Variants in ADGRL2 observed in about 807,000 individuals in gnomAD.
ADGRL2 encodes calcium-independent alpha-latrotoxin receptor 2.
ADGRL2 carries 44 observed loss-of-function variants against 157.4 expected under a neutral mutation model. The observed-to-expected ratio is 0.28, with a 90% CI of 0.22 to 0.36. The LOEUF is 0.36. Ranked by LOEUF, ADGRL2 falls within the 10% of genes least tolerant of loss-of-function variation. ADGRL2 has a pLI of 1.00. For synonymous variants in ADGRL2, 585 were observed against 624.7 expected, an observed-to-expected ratio of 0.94 and a Z score of 0.95; for missense variants, 1,510 against 1,768.9, an observed-to-expected ratio of 0.85 and a Z score of 2.63.
At chr1:81,425,861 A>C (rs1172981579) in intron 1 of ADGRL2, among the ~76,000 whole-genome samples, 1 of 39,936 alleles carries the variant, frequency 2.5e-5, no homozygotes, top group African/African-American at 7.9e-5. Context: ...GAAAATACAA[A>C]TTTATTTATT....
chr1:81,633,504 G>A lies in ADGRL2; in HGVS notation c.-143+52524G>A, dbSNP rs368391487. Among the ~76,000 whole-genome samples the A allele has an allele frequency of 3.1e-4, 45 of 146,914 alleles. No individual in the cohort carries two copies. In the South Asian group the frequency reaches 9.5e-3, roughly 31 times the overall value. The stretch of plus-strand genomic sequence containing the variant: ...CCAGCTAATTGGGAGGCTGAGGCAG[G>A]AGAATCACTTGAACTGGGGAAGGGG... On this transcript the variant is annotated intron_variant, in intron 3 of 24. Coordinates refer to the ADGRL2 transcript ENST00000370721.
chr1:81,681,465 C>G (rs111445031), intron 3 of ADGRL2, among the ~76,000 whole-genome samples: 1 of 152,230 alleles, frequency 6.6e-6, no homozygotes, highest in East Asian at 1.9e-4. Context: ...GATAAAGTCC[C>G]GGTGTATTTC....
intron 2 of ADGRL2, among the ~76,000 whole-genome samples, chr1:81,450,586 C>T (rs1231709554): frequency 6.6e-6 from 1 of 152,076 alleles, no homozygotes; most frequent in East Asian, 1.9e-4. Context: ...AGTGCTGCCT[C>T]ACTGTCTAGT....
intron 1 of ADGRL2, among the ~76,000 whole-genome samples, chr1:81,351,179 G>T (rs1170533282): frequency 6.6e-6 from 1 of 151,592 alleles, no homozygotes; most frequent in African/African-American, 2.4e-5. Context: ...CAGGAGCCTG[G>T]AACTTATACA....
intron 3 of ADGRL2, among the ~76,000 whole-genome samples, chr1:81,924,779 C>T (rs2148662376): frequency 6.6e-6 from 1 of 152,078 alleles, no homozygotes; most frequent in South Asian, 2.1e-4. Context: ...CCTGTCTCAA[C>T]TTCTATTTCT....
intron 3 of ADGRL2, among the ~76,000 whole-genome samples, chr1:81,676,712 A>G (rs1180718246): frequency 1.3e-5 from 2 of 151,750 alleles, no homozygotes. Flanking sequence ...TTTTGAGACG[A>G]GTCTTGCTCT....
chr1:81,407,962 A>G (rs552130844), intron 1 of ADGRL2, among the ~76,000 whole-genome samples: 4 of 152,288 alleles, frequency 2.6e-5, no homozygotes, highest in African/African-American at 9.6e-5. Context: ...TTGTTTCACT[A>G]TCTGTTGTAT....
intron 1 of ADGRL2, among the ~76,000 whole-genome samples, chr1:81,709,892 A>C (rs2083866702): frequency 6.6e-6 from 1 of 152,216 alleles, no homozygotes. Context: ...AAAGAAGTAA[A>C]GTCAATTGTT....
At chr1:81,523,281 T>G (rs6696306) in intron 2 of ADGRL2, among the ~76,000 whole-genome samples, 59,075 of 151,942 alleles carry the variant, frequency 0.39, 15,614 homozygotes, top group African/African-American at 0.75. Context: ...ATACCAAATT[T>G]TTTATATGAA....
At chr1:81,789,701 C>CAA (rs34269882) in intron 2 of ADGRL2, among the ~76,000 whole-genome samples, 14 of 88,452 alleles carry the variant, frequency 1.6e-4, no homozygotes, top group East Asian at 7.1e-4. Flanking sequence ...GTCTCCGTCT[C>CAA]AAAAAAAAAA....
At chr1:81,490,871 A>G (rs1253370816) in intron 2 of ADGRL2, among the ~76,000 whole-genome samples, 1 of 152,180 alleles carries the variant, frequency 6.6e-6, no homozygotes, top group Non-Finnish European at 1.5e-5. Flanking sequence ...CATAACCCCA[A>G]ATGCAAGCAA....
chr1:81,387,056 T>G (rs1046827550), intron 1 of ADGRL2, among the ~76,000 whole-genome samples: 2 of 152,206 alleles, frequency 1.3e-5, no homozygotes, highest in African/African-American at 4.8e-5. Flanking sequence ...CTGACTTTTA[T>G]GAGAGTTGGT....
Position 81,985,317 on chromosome 1 carries a change from T to C in ADGRL2, c.3470T>C (p.Ile1157Thr). 6.2e-7 allele frequency: 1 copy of C among 1,607,708 alleles called. No homozygotes were observed. The highest frequency in any genetic ancestry group is 8.5e-7 in the Non-Finnish European group (1 of 1,175,732). ...TVRKQSESSFISGDINSTSTL... is the reference protein window; with the variant it reads ...TVRKQSESSFTSGDINSTSTL... ...AGAAAACAATCAGAATCTTCTTTTA[T>C]CTCAGGTGACATCAATAGCACTTCA... is the stretch of plus-strand genomic sequence containing the variant. Residue 1157 changes from isoleucine to threonine, a missense_variant, in exon 21 of 24, where the codon ATC becomes ACC. This residue lies in a region of ADGRL2 where 497 missense variants were observed against 627.2 expected (regional missense o/e 0.79). Transcript: ENST00000686636.
chr1:81,681,493 TC>T (rs1317710628), intron 3 of ADGRL2, among the ~76,000 whole-genome samples: 1 of 152,230 alleles, frequency 6.6e-6, no homozygotes. Flanking sequence ...ATGTATCAGA[TC>T]TATTTTGAGG....
At chr1:81,786,054 T>C (rs1032329980) in intron 2 of ADGRL2, among the ~76,000 whole-genome samples, 22 of 151,890 alleles carry the variant, frequency 1.4e-4, no homozygotes, top group African/African-American at 5.3e-4. Flanking sequence ...CAGTGAGCCA[T>C]GATAGCCCCA....
chr1:81,692,861 GT>G (rs1348690282), intron 3 of ADGRL2, among the ~76,000 whole-genome samples: 1 of 152,192 alleles, frequency 6.6e-6, no homozygotes, highest in Non-Finnish European at 1.5e-5. Context: ...AAAGTTGAAA[GT>G]TCTGGTACCA....
intron 1 of ADGRL2, among the ~76,000 whole-genome samples, chr1:81,742,472 A>T (rs1428291655): frequency 1.3e-5 from 2 of 152,054 alleles, no homozygotes; most frequent in South Asian, 4.1e-4. Context: ...CTGATTAAAG[A>T]TTTTGAGAGT....
At chr1:81,417,428 T>G (rs2077051659) in intron 1 of ADGRL2, among the ~76,000 whole-genome samples, 1 of 152,190 alleles carries the variant, frequency 6.6e-6, no homozygotes, top group Non-Finnish European at 1.5e-5. Context: ...TTCAAAATAT[T>G]TTATTAGATC....
At chr1:81,657,909 T>G (rs2082569447) in intron 3 of ADGRL2, among the ~76,000 whole-genome samples, 1 of 152,176 alleles carries the variant, frequency 6.6e-6, no homozygotes, top group African/African-American at 2.4e-5. Flanking sequence ...TTTTTGTTCT[T>G]ATTTTACTGT....
Sources: gnomAD v4.1 joint callset for allele counts (sites outside exome capture counted in the v4.1 genomes callset) on GRCh38, gnomAD v4.1.1 for gene constraint, gnomAD v4.1.1 regional missense constraint, MANE v1.5 for transcripts, NCBI Gene and HGNC (gene_info 2026-07-23, HGNC 2026-07-21) for gene names.